Variants in LRRC49 observed in about 807,000 individuals in gnomAD.
LRRC49 encodes leucine-rich repeat-containing protein 49.
A neutral mutation model predicts 83.3 loss-of-function variants in LRRC49; 50 were observed. The ratio of observed to expected loss-of-function variants is 0.60; its 90% CI spans 0.48 to 0.76. The LOEUF is 0.76. Ranked by LOEUF, LRRC49 falls within the 30% of genes least tolerant of loss-of-function variation. The pLI is 0.00. For missense variants in LRRC49, 704 were observed against 809.1 expected, an observed-to-expected ratio of 0.87 and a Z score of 1.58; for synonymous variants, 286 against 283.3, an observed-to-expected ratio of 1.01 and a Z score of -0.10.
At chr15:70,889,444 CTAGCAATGTTCTGT>C (rs1203199994), upstream of LRRC49, among the ~76,000 whole-genome samples, 17 of 152,018 alleles carry the variant, frequency 1.1e-4, no homozygotes, top group African/African-American at 4.1e-4. Flanking sequence ...TCCTGGGGTG[CTAGCAATGTTCTGT>C]TTCTTTGACT....
chr15:70,952,279 C>T (rs1361960514), intron 8 of LRRC49, among the ~76,000 whole-genome samples: 1 of 148,888 alleles, frequency 6.7e-6, no homozygotes, highest in Non-Finnish European at 1.5e-5. Flanking sequence ...GCTTTGTAGT[C>T]TGAATTAGAG....
intron 1 of LRRC49, among the ~76,000 whole-genome samples, chr15:70,862,986 G>C (rs556526545): frequency 6.6e-6 from 1 of 152,288 alleles, no homozygotes; most frequent in African/African-American, 2.4e-5. Flanking sequence ...GGGGATAAAG[G>C]GATGAAATGA....
intron 8 of LRRC49, among the ~76,000 whole-genome samples, chr15:70,955,333 G>T (rs2036362169): frequency 6.6e-6 from 1 of 152,172 alleles, no homozygotes; most frequent in Non-Finnish European, 1.5e-5. Context: ...CAGCTCCATG[G>T]ATGTTAAAGC....
chr15:70,892,052 C>A (rs372377369), upstream of LRRC49: 55 of 1,613,682 alleles, frequency 3.4e-5, no homozygotes, highest in Admixed American at 3.0e-4. Flanking sequence ...CTGGGAGAAG[C>A]GCAGGTTCTT....
chr15:70,898,829 T>C (rs530803110), intron 3 of LRRC49, among the ~76,000 whole-genome samples: 2 of 152,070 alleles, frequency 1.3e-5, no homozygotes, highest in Non-Finnish European at 2.9e-5. Context: ...CAAACTGTTA[T>C]GATGAAAATT....
chr15:70,865,334 C>T (rs932442916), intron 1 of LRRC49, among the ~76,000 whole-genome samples: 1 of 149,756 alleles, frequency 6.7e-6, no homozygotes, highest in African/African-American at 2.4e-5. Context: ...TCTTTTTTCA[C>T]CTCTCAGTAC....
At chr15:71,004,894 A>G (rs1298647775) in intron 11 of LRRC49, among the ~76,000 whole-genome samples, 1 of 152,098 alleles carries the variant, frequency 6.6e-6, no homozygotes, top group Non-Finnish European at 1.5e-5. Context: ...GGCCTATTGG[A>G]TGGTAAAAGG....
At chr15:70,957,954 A>G (rs2036461317) in intron 8 of LRRC49, among the ~76,000 whole-genome samples, 2 of 152,216 alleles carry the variant, frequency 1.3e-5, no homozygotes, top group African/African-American at 4.8e-5. Flanking sequence ...TTTACATATA[A>G]TAAAATGCAC....
Position 70,876,919 on chromosome 15 carries a change from C to T in LRRC49, c.18+3696C>T, listed in dbSNP as rs531585693. Among the ~76,000 whole-genome samples, 5 of 152,318 alleles carry T rather than the reference C, an allele frequency of 3.3e-5. No individual in the cohort carries two copies. The East Asian group carries it at 7.7e-4, about 24-fold the overall frequency. On this transcript the variant is annotated intron_variant, in intron 2 of 16. Transcript: ENST00000544974. ...CAGTGCCCAAAGGTTAAAGGCCATT[C>T]CGCTTGTTCTGGCAACATTCTGCTT... is the stretch of plus-strand genomic sequence containing the variant.
chr15:70,878,772 T>C (rs978883757), intron 2 of LRRC49, among the ~76,000 whole-genome samples: 1 of 152,266 alleles, frequency 6.6e-6, no homozygotes, highest in Admixed American at 6.5e-5. Context: ...TTGTTGAATG[T>C]GAAACCAGCC....
intron 14 of LRRC49, among the ~76,000 whole-genome samples, chr15:71,017,618 T>G (rs2038866624): frequency 6.6e-6 from 1 of 152,192 alleles, no homozygotes; most frequent in Non-Finnish European, 1.5e-5. Flanking sequence ...CCCAACTCAC[T>G]TCTCATCAGA....
rs553403173 is a variant in LRRC49, at chr15:70,932,842, G to C, written c.712-3919G>C. Among the ~76,000 whole-genome samples the C allele has an allele frequency of 8.2e-5, 12 of 145,748 alleles. No homozygotes were observed. In the East Asian group the frequency reaches 2.3e-3, roughly 28 times the overall value. Reference sequence around the variant, plus strand: ...CCTCCCTCGTTCAAACAATTCTCCCGTCTCAGCCTCCCAAGTAGCTGGGAC... The same window carrying C: ...CCTCCCTCGTTCAAACAATTCTCCCCTCTCAGCCTCCCAAGTAGCTGGGAC... On this transcript the variant is annotated intron_variant, in intron 7 of 15. Coordinates refer to ENST00000260382, the MANE Select transcript of LRRC49 (RefSeq NM_017691.5).
intron 10 of LRRC49, 75 bp downstream of exon 10, chr15:70,980,259 A>G (rs774427075): frequency 8.6e-5 from 88 of 1,025,400 alleles, no homozygotes; most frequent in Non-Finnish European, 1.2e-4. Context: ...TAGCTAGTCT[A>G]CTGGAAAAGT....
intron 15 of LRRC49, among the ~76,000 whole-genome samples, chr15:71,042,694 C>T (rs2039732583): frequency 6.6e-6 from 1 of 152,184 alleles, no homozygotes; most frequent in South Asian, 2.1e-4. Context: ...TCAGGTTAAG[C>T]AGACCCTTTC....
chr15:70,987,916 G>A (rs531706730), intron 11 of LRRC49, among the ~76,000 whole-genome samples: 2 of 152,258 alleles, frequency 1.3e-5, no homozygotes, highest in South Asian at 2.1e-4. Flanking sequence ...TCAGGAGCAG[G>A]TTGTTCAGTT....
chr15:70,881,340 A>G (rs2033259446), intron 2 of LRRC49: 1 of 152,174 alleles, frequency 6.6e-6, no homozygotes, highest in African/African-American at 2.4e-5. Context: ...CAGGCTCACA[A>G]CTCCTATTAA....
chr15:70,918,387 A>G (rs1180745214), intron 6 of LRRC49: 1 of 152,260 alleles, frequency 6.6e-6, no homozygotes, highest in Admixed American at 6.5e-5. Context: ...GACACCCCAA[A>G]GATCCTGTAA....
At chr15:70,868,059 A>G (rs1044968325) in intron 1 of LRRC49, among the ~76,000 whole-genome samples, 3 of 218 alleles carry the variant, frequency 0.014, no homozygotes, top group African/African-American at 0.041. Flanking sequence ...CTTGGGGGAA[A>G]GGGAGGGGGG....
At chr15:70,986,627 T>A (rs1229447151) in intron 11 of LRRC49, among the ~76,000 whole-genome samples, 1 of 130,334 alleles carries the variant, frequency 7.7e-6, no homozygotes, top group Non-Finnish European at 1.7e-5. Flanking sequence ...ACCCTTTATT[T>A]CCTTCTCCTG....
Sources: gnomAD v4.1 joint callset for allele counts (sites outside exome capture counted in the v4.1 genomes callset) on GRCh38, gnomAD v4.1.1 for gene constraint, MANE v1.5 for transcripts, NCBI Gene and HGNC (gene_info 2026-07-23, HGNC 2026-07-21) for gene names.